Variants in MTHFSD observed in about 807,000 individuals in gnomAD.
The protein encoded by MTHFSD is methenyltetrahydrofolate synthase domain-containing protein.
Under a neutral mutation model 31.1 loss-of-function variants are expected in MTHFSD, and 37 were observed. The ratio of observed to expected loss-of-function variants is 1.19; its 90% confidence interval spans 0.91 to 1.56. MTHFSD has a LOEUF of 1.56. Among genes scored for constraint, MTHFSD ranks in the 40% most tolerant of loss-of-function variants. The probability of loss-of-function intolerance (pLI) is 0.00; values close to 1 mark genes in which losing one functional copy is unlikely to be tolerated. For synonymous variants in MTHFSD, 221 were observed against 206.9 expected (o/e 1.07, Z -0.59); for missense variants, 664 against 510.1 (o/e 1.30, Z -2.91).
chr16:86,532,262 C>T lies in MTHFSD; in HGVS notation c.901G>A (p.Gly301Ser), dbSNP rs2143280560. ...EAAPGSPPGE[G>S]APLAADVYVG... Reference sequence around the variant, plus strand: ...TAAACATCGGCTGCAAGCGGGGCACCCTCCCCTGGTGGGGAGCCAGGGGCT... The same window carrying T: ...TAAACATCGGCTGCAAGCGGGGCACTCTCCCCTGGTGGGGAGCCAGGGGCT... The change falls in exon 8 of 8, where the codon GGT (glycine) becomes AGT (serine). Residue 301 changes from glycine to serine, a missense_variant. Physicochemically the swap from Gly to Ser is moderately conservative, Grantham distance 56 (BLOSUM62 0). Transcript: ENST00000360900. 1 of 1,567,108 alleles carries T rather than the reference C, an allele frequency of 6.4e-7. No homozygotes were observed. Among genetic ancestry groups the T allele is most frequent in the Non-Finnish European group, 8.6e-7 (1 of 1,158,664 alleles).
At chr16:86,554,603 T>C (rs1382529609) in intron 2 of MTHFSD, 42 bp downstream of exon 2, 1 of 1,388,678 alleles carries the variant, frequency 7.2e-7, no homozygotes, top group Non-Finnish European at 1.0e-6. Context: ...CATTTAAGAA[T>C]ATTTTGTTTT....
chr16:86,554,776 T>C, intron 1 of MTHFSD, 25 bp from the exon 2 acceptor site: 1 of 1,581,146 alleles, frequency 6.3e-7, no homozygotes, highest in Non-Finnish European at 8.7e-7. Context: ...TCCCACTTAA[T>C]AACATACAAA....
At chr16:86,553,543 T>A (rs866027833) in intron 2 of MTHFSD, 1 of 152,864 alleles carries the variant, frequency 6.5e-6, no homozygotes, top group African/African-American at 2.4e-5. Context: ...AGTGAGGGGC[T>A]TAGCACCTGG....
chr16:86,545,783 G>C (rs950929268), intron 5 of MTHFSD, among the ~76,000 whole-genome samples: 1 of 152,212 alleles, frequency 6.6e-6, no homozygotes, highest in African/African-American at 2.4e-5. Context: ...AGACCACCCA[G>C]TGCCTGCCTG....
chr16:86,551,169 T>C (rs769781443), intron 3 of MTHFSD, among the ~76,000 whole-genome samples: 1 of 152,266 alleles, frequency 6.6e-6, no homozygotes, highest in Non-Finnish European at 1.5e-5. Context: ...TATAGTTACA[T>C]AAAAGCTATC....
At chr16:86,554,558 T>G (rs1183722392) in intron 2 of MTHFSD, 87 bp downstream of exon 2, 1 of 1,041,066 alleles carries the variant, frequency 9.6e-7, no homozygotes, top group African/African-American at 1.6e-5. Context: ...TCATCCACCA[T>G]GACGCAGTAA....
At chr16:86,550,671 C>T (rs150258600) in intron 3 of MTHFSD, among the ~76,000 whole-genome samples, 1 of 152,346 alleles carries the variant, frequency 6.6e-6, no homozygotes, top group African/African-American at 2.4e-5. Flanking sequence ...AGAACTGCGC[C>T]TCGAATGCAG....
intron 7 of MTHFSD, among the ~76,000 whole-genome samples, chr16:86,534,359 CG>C (rs1970386719): frequency 6.6e-6 from 1 of 152,156 alleles, no homozygotes; most frequent in South Asian, 2.1e-4. Flanking sequence ...GTGATGTGCA[CG>C]GAAGGATATA....
intron 7 of MTHFSD, chr16:86,535,516 C>T (rs755126699): frequency 1.0e-6 from 1 of 985,326 alleles, no homozygotes; most frequent in Non-Finnish European, 1.2e-6. Context: ...TTCTGTCAAT[C>T]TGGCATGTGA....
chr16:86,546,714 A>T (rs1425215887), intron 4 of MTHFSD, 65 bp from the exon 5 acceptor site: 1 of 1,361,032 alleles, frequency 7.3e-7, no homozygotes, highest in South Asian at 1.2e-5. Flanking sequence ...ATAATTCATG[A>T]TCAAAGTGCA....
rs182505135 is a variant in MTHFSD, at chr16:86,538,705, G to T, written c.681+2992C>A. Among the ~76,000 whole-genome samples, 199 of 152,346 alleles carry T rather than the reference G, an allele frequency of 1.3e-3. 1 individual carries two copies. Among genetic ancestry groups the T allele is most frequent in the African/African-American group, 4.5e-3 (187 of 41,596 alleles). On this transcript the variant is annotated intron_variant, in intron 7 of 7. Coordinates refer to ENST00000360900, the MANE Select transcript of MTHFSD (RefSeq NM_001159377.2). ...CAAGGATCAGAAGATCAATGGAGCT[G>T]GACGAACTGCCCAGAGGTTCAGGAC...
intron 3 of MTHFSD, among the ~76,000 whole-genome samples, chr16:86,549,371 T>C (rs1597373938): frequency 6.6e-6 from 1 of 152,220 alleles, no homozygotes; most frequent in Non-Finnish European, 1.5e-5. Flanking sequence ...ATGTAAATAA[T>C]AGTATATTTT....
intron 4 of MTHFSD, chr16:86,547,418 C>G (rs1217427607): frequency 1.0e-6 from 1 of 985,630 alleles, no homozygotes; most frequent in Non-Finnish European, 1.2e-6. Context: ...GCCTGCAGTG[C>G]TATGACAAGT....
intron 2 of MTHFSD, among the ~76,000 whole-genome samples, chr16:86,553,967 T>C (rs1035089346): frequency 6.6e-6 from 1 of 152,218 alleles, no homozygotes; most frequent in Non-Finnish European, 1.5e-5. Flanking sequence ...AGAACTTTTG[T>C]GTCTAGCTCA....
At chr16:86,551,669 T>G (rs1162563671) in intron 3 of MTHFSD, among the ~76,000 whole-genome samples, 4 of 152,254 alleles carry the variant, frequency 2.6e-5, no homozygotes, top group Admixed American at 2.6e-4. Context: ...CTTGTTAGCA[T>G]GCTCATTTCA....
chr16:86,541,168 G>A, intron 7 of MTHFSD: 1 of 1,289,346 alleles, frequency 7.8e-7, no homozygotes, highest in Non-Finnish European at 1.0e-6. Context: ...TCCTACTGCA[G>A]ACTAATTTGC....
chr16:86,547,990 G>A, intron 4 of MTHFSD: 1 of 1,213,222 alleles, frequency 8.2e-7, no homozygotes, highest in Non-Finnish European at 1.1e-6. Flanking sequence ...AAATTGTGAG[G>A]CATTCAAGAA....
chr16:86,548,131 T>A (rs1287977524), intron 4 of MTHFSD: 2 of 1,300,094 alleles, frequency 1.5e-6, no homozygotes, highest in Admixed American at 2.3e-5. Flanking sequence ...AGGCCGGGAA[T>A]AAGAAAAAGC....
In MTHFSD at chr16:86,548,537, G is replaced by A. The variant is rs779426310; in HGVS notation, c.278C>T (p.Thr93Met). ...TGGTGTGATCTTATTAAACAATCCC[G>A]TTCTCAGTCGTGGTGTTGGAACCAA... ...TLLVPTPRLR[T>M]GLFNKITPPP... Residue 93 changes from threonine to methionine, a missense_variant, in exon 4 of 8, where the codon ACG becomes ATG. Transcript: ENST00000360900. 9.9e-6 allele frequency: 16 copies of A among 1,612,962 alleles called. No individual in the cohort carries two copies. The Admixed American group carries it at 1.0e-4, about 10-fold the overall frequency.
Sources: allele counts gnomAD v4.1 joint callset (sites outside exome capture counted in the v4.1 genomes callset), GRCh38; gene constraint gnomAD v4.1.1; transcripts MANE v1.5; gene names NCBI Gene and HGNC (gene_info 2026-07-23, HGNC 2026-07-21).